MAGT1: variants seen among roughly 807,000 people sequenced by gnomAD.
MAGT1 encodes the protein dolichyl-diphosphooligosaccharide--protein glycosyltransferase subunit MAGT1.
Under a neutral mutation model 28.4 loss-of-function variants are expected in MAGT1, and 4 were observed. The observed-to-expected ratio is 0.14, with a 90% CI of 0.07 to 0.32. The LOEUF is 0.32. MAGT1 is among the 10% of genes least tolerant of loss of function. The pLI is 1.00. For synonymous variants in MAGT1, 89 were observed against 89.7 expected (o/e 0.99, Z 0.04); for missense variants, 193 against 264.5 (o/e 0.73, Z 1.88).
intron 3 of MAGT1, among the ~76,000 whole-genome samples, 179 bp downstream of exon 3, chrX:77,870,629 A>C (rs1267725626): frequency 8.9e-6 from 1 of 111,881 alleles, no homozygotes; most frequent in African/African-American, 3.2e-5. Context: ...TCCATATTCT[A>C]GTAGGTTAGC....
At chrX:77,842,831 A>AAAAAAG (rs1472931734) in intron 7 of MAGT1, among the ~76,000 whole-genome samples, 1 of 111,799 alleles carries the variant, frequency 8.9e-6, no homozygotes, top group Non-Finnish European at 1.9e-5. Flanking sequence ...CATCTCAAAA[A>AAAAAAG]AAAAAGAAAA....
At chrX:77,875,712 T>C in intron 1 of MAGT1, 115 bp from the exon 2 acceptor site, 1 of 796,824 alleles carries the variant, frequency 1.3e-6, no homozygotes, top group East Asian at 3.2e-5. Context: ...ACAGAAAATG[T>C]GAGACCTAAA....
intron 1 of MAGT1, among the ~76,000 whole-genome samples, chrX:77,883,553 C>CTT (rs1166624171): frequency 1.7e-3 from 105 of 61,660 alleles, no homozygotes; most frequent in African/African-American, 2.9e-3. Flanking sequence ...AATTCATTTT[C>CTT]TTTTTTTTTT....
At chrX:77,839,811 T>G (rs1325442569) in intron 8 of MAGT1, among the ~76,000 whole-genome samples, 1 of 108,802 alleles carries the variant, frequency 9.2e-6, no homozygotes, top group African/African-American at 3.3e-5. Context: ...CTGGCCAAAT[T>G]TTTGTACTTT....
intron 7 of MAGT1, among the ~76,000 whole-genome samples, chrX:77,849,895 C>CAAAAAAAAA (rs1247445316): frequency 2.0e-5 from 1 of 50,844 alleles, no homozygotes. Context: ...AACAAAAAAC[C>CAAAAAAAAA]AAAAAAAAAA....
chrX:77,871,712 G>A (rs2077020763), intron 2 of MAGT1, among the ~76,000 whole-genome samples: 4 of 110,299 alleles, frequency 3.6e-5, no homozygotes, highest in African/African-American at 1.3e-4. Flanking sequence ...CATGGTGGCA[G>A]GCACCTGTAG....
At chrX:77,834,819 G>C (rs2076911675) in intron 8 of MAGT1, among the ~76,000 whole-genome samples, 1 of 110,739 alleles carries the variant, frequency 9.0e-6, no homozygotes, top group Admixed American at 9.8e-5. Flanking sequence ...AATCAACAAA[G>C]TGAGGAGTCA....
chrX:77,893,573 G>A (rs5912504), intron 1 of MAGT1, among the ~76,000 whole-genome samples: 4,217 of 111,568 alleles, frequency 0.038, 120 homozygotes, highest in African/African-American at 0.1. Context: ...GAAATGCTAA[G>A]TTTTAAAAAG....
At chrX:77,872,629 C>T (rs191126580) in intron 2 of MAGT1, among the ~76,000 whole-genome samples, 61 of 111,744 alleles carry the variant, frequency 5.5e-4, no homozygotes, top group Non-Finnish European at 9.2e-4. Context: ...GAATATCCTG[C>T]CTGTATCAAC....
chrX:77,843,844 T>C (rs782797621), intron 7 of MAGT1, among the ~76,000 whole-genome samples: 1 of 111,718 alleles, frequency 9.0e-6, no homozygotes, highest in African/African-American at 3.2e-5. Context: ...CAGTATTTTT[T>C]TGCCAGTATT....
At chrX:77,853,524 T>C (rs2076973830) in intron 7 of MAGT1, among the ~76,000 whole-genome samples, 1 of 112,191 alleles carries the variant, frequency 8.9e-6, no homozygotes, top group South Asian at 3.6e-4. Context: ...AGTTCAGACC[T>C]GATGTTGACC....
chrX:77,876,005 A>G (rs1416256020), intron 1 of MAGT1, among the ~76,000 whole-genome samples: 1 of 101,947 alleles, frequency 9.8e-6, no homozygotes, highest in Non-Finnish European at 2.0e-5. Flanking sequence ...TGATTTTTGT[A>G]TTTTTTGTAG....
In MAGT1 at chrX:77,832,736, G is replaced by A. The variant is rs189495433; in HGVS notation, c.902-1841C>T. Among the ~76,000 whole-genome samples the A allele has an allele frequency of 1.7e-3, 177 of 103,077 alleles. 1 individual carries two copies. The highest frequency in any genetic ancestry group is 5.8e-3 in the African/African-American group (162 of 28,172). The allele number at this position is 103,077 out of a possible 115,157, so 89.5% of individuals were successfully genotyped here. A position where few individuals can be genotyped will look rare whatever the true frequency, so the allele number is the denominator to read the frequency against. The stretch of plus-strand genomic sequence containing the variant: ...TAATCCCAGCTACTCGGGAGGCTGA[G>A]GCAGGATAATCGCTTGGCAAAGCTT... On this transcript the variant is annotated intron_variant, in intron 8 of 9. Coordinates refer to ENST00000618282, the MANE Select transcript of MAGT1 (RefSeq NM_001367916.1).
chrX:77,832,801 C>A (rs1196345597), intron 8 of MAGT1, among the ~76,000 whole-genome samples: 1 of 73,387 alleles, frequency 1.4e-5, no homozygotes, highest in Middle Eastern at 0.016. Context: ...CCAGCCTAGG[C>A]GAAAAAGCAA....
At chrX:77,847,336 C>T (rs1557215086) in intron 7 of MAGT1, among the ~76,000 whole-genome samples, 1 of 112,567 alleles carries the variant, frequency 8.9e-6, no homozygotes, top group African/African-American at 3.2e-5. Flanking sequence ...TCTGTCACCC[C>T]TTTCCTTGGC....
chrX:77,856,995 C>T, intron 4 of MAGT1, 122 bp from the exon 5 acceptor site: 1 of 635,922 alleles, frequency 1.6e-6, no homozygotes, highest in Non-Finnish European at 2.5e-6. Context: ...AAAAATGATC[C>T]TTTTTATGTT....
In MAGT1 at chrX:77,827,346, G is replaced by GCAAA. The variant is rs1557213027; in HGVS notation, c.*1873_*1874insTTTG. On this transcript the variant is annotated 3_prime_UTR_variant, in exon 10 of 10. Coordinates refer to ENST00000618282, the MANE Select transcript of MAGT1 (RefSeq NM_001367916.1). ...AAGACTAAAATAACAGCAAAACATAGAACAGCTTTCGAGAAACGCTTAATT... is the reference window on the plus strand; with the variant it reads ...AAGACTAAAATAACAGCAAAACATAGCAAAAACAGCTTTCGAGAAACGCTTAATT... 5.4e-5 allele frequency: 6 copies of GCAAA among 110,877 alleles called. No individual in the cohort carries two copies. Among genetic ancestry groups the GCAAA allele is most frequent in the African/African-American group, 2.0e-4 (6 of 30,656 alleles). The allele number at this position is 110,877 out of a possible 1,213,427, so 9.1% of individuals were successfully genotyped here.
chrX:77,860,893 C>T (rs782155187), intron 3 of MAGT1, among the ~76,000 whole-genome samples: 2 of 111,011 alleles, frequency 1.8e-5, no homozygotes, highest in South Asian at 7.5e-4. Context: ...ATGGGCAACA[C>T]AGGTGGGTGC....
At position 77,890,411 on chromosome X, in the gene MAGT1, A is replaced by C. The variant is rs942450644; in HGVS notation, c.102+4898T>G. ...CTTAAATGCCATCTGCTCCATTATC[A>C]GTTCACGTACTTCCTGGATAGAGCT... On this transcript the variant is annotated intron_variant, in intron 1 of 9. Transcript: ENST00000618282. Among the ~76,000 whole-genome samples the C allele has an allele frequency of 1.8e-5, 2 of 112,182 alleles. 1 individual carries two copies. Among genetic ancestry groups the C allele is most frequent in the African/African-American group, 6.5e-5 (2 of 30,894 alleles).
Sources: gnomAD v4.1 joint callset for allele counts (sites outside exome capture counted in the v4.1 genomes callset) on GRCh38, gnomAD v4.1.1 for gene constraint, MANE v1.5 for transcripts, NCBI Gene and HGNC (gene_info 2026-07-23, HGNC 2026-07-21) for gene names.